CES1: variants seen among roughly 807,000 people sequenced by gnomAD.
CES1 encodes carboxylesterase 1, also known as liver carboxylesterase 1.
CES1 carries 50 observed loss-of-function variants against 53.0 expected under a neutral mutation model. That is an observed-to-expected ratio of 0.94 (90% CI 0.75 to 1.19). The LOEUF (loss-of-function observed/expected upper bound fraction) is 1.19, where lower values mean the gene tolerates loss of function less well. CES1 is among the 50% of genes most tolerant of loss of function. The probability of loss-of-function intolerance (pLI) is 0.00; values close to 1 mark genes in which losing one functional copy is unlikely to be tolerated. For synonymous variants in CES1, 202 were observed against 210.1 expected, an observed-to-expected ratio of 0.96 and a Z score of 0.33; for missense variants, 534 against 538.0, an observed-to-expected ratio of 0.99 and a Z score of 0.07.
chr16:55,831,213 G>A (rs1229235787), intron 1 of CES1, among the ~76,000 whole-genome samples: 2 of 152,214 alleles, frequency 1.3e-5, no homozygotes, highest in South Asian at 2.1e-4. Context: ...AGATCCATCA[G>A]AATAGGGGAG....
intron 1 of CES1, among the ~76,000 whole-genome samples, chr16:55,831,140 G>A (rs1182312593): frequency 6.6e-6 from 1 of 152,014 alleles, no homozygotes; most frequent in Non-Finnish European, 1.5e-5. Context: ...GAAGATGCCA[G>A]TGTGAGAGGG....
intron 2 of CES1, chr16:55,828,229 C>T (rs1597090461): frequency 9.8e-6 from 2 of 203,166 alleles, no homozygotes; most frequent in East Asian, 1.1e-4. Context: ...ATGGACACAC[C>T]TTCCATTGTT....
At position 55,826,151 on chromosome 16, in the gene CES1, C is replaced by G. The variant is rs762405614; in HGVS notation, c.405G>C (p.Pro135=). ...PADLTKKNRL[P]VMVWIHGGGL... ...TTGACCAGGGGGTCCCACAACTTAC[C>G]GGCAGCCTGTTTTTCTTGGTCAAGT... The change falls in exon 3 of 14, where the codon CCG becomes CCC. Residue 135 remains proline (P), a splice_region_variant and synonymous_variant. Transcript: ENST00000360526. 6.2e-7 allele frequency: 1 copy of G among 1,613,964 alleles called. No homozygotes were observed. Among genetic ancestry groups the G allele is most frequent in the Non-Finnish European group, 8.5e-7 (1 of 1,179,862 alleles).
intron 5 of CES1, among the ~76,000 whole-genome samples, chr16:55,820,725 C>T (rs113867465): frequency 2.6e-5 from 4 of 152,180 alleles, no homozygotes; most frequent in African/African-American, 9.6e-5. Context: ...CCAGCAGGAC[C>T]CCTCACACCC....
In CES1 at chr16:55,828,955, TGGCGA is replaced by T. The variant is rs1567508067; in HGVS notation, c.67_71del (p.Ser23ThrfsTer91). 2 of 1,611,770 alleles carry T rather than the reference TGGCGA, an allele frequency of 1.2e-6. No homozygotes were observed. The highest frequency in any genetic ancestry group is 1.7e-6 in the Non-Finnish European group (2 of 1,179,050). On this transcript the variant is annotated frameshift_variant, in exon 2 of 14. Coordinates refer to ENST00000360526, the MANE Select transcript of CES1 (RefSeq NM_001025195.2). LOFTEE classifies it high-confidence loss of function. ...TGCCATGCACGGTGTCCACCACAGG[TGGCGA>T]GGACGGATGCCCTGCTGGACATGGA...
In CES1 at chr16:55,831,484, G is replaced by A. The variant is rs370821106; in HGVS notation, c.52+1520C>T. On this transcript the variant is annotated intron_variant, in intron 1 of 13. Transcript: ENST00000360526. ...TTGCTGCTGATGTTATATGAAGCAC[G>A]AACATGGTGGGCACCTACTATGTGC... Among the ~76,000 whole-genome samples, 29 of 151,204 alleles carry A rather than the reference G, an allele frequency of 1.9e-4. No homozygotes were observed. The East Asian group carries it at 2.1e-3, about 11-fold the overall frequency.
chr16:55,829,361 T>C (rs2032551247), intron 1 of CES1, among the ~76,000 whole-genome samples: 1 of 152,184 alleles, frequency 6.6e-6, no homozygotes, highest in African/African-American at 2.4e-5. Flanking sequence ...GCACTGACCA[T>C]TATAGGGAAG....
At chr16:55,830,178 A>G (rs2032581341) in intron 1 of CES1, among the ~76,000 whole-genome samples, 1 of 152,248 alleles carries the variant, frequency 6.6e-6, no homozygotes, top group Non-Finnish European at 1.5e-5. Flanking sequence ...CACAATGGAA[A>G]CCCATTATGG....
intron 1 of CES1, among the ~76,000 whole-genome samples, chr16:55,830,851 T>C (rs182685436): frequency 1.7e-3 from 146 of 83,962 alleles, no homozygotes; most frequent in Middle Eastern, 7.6e-3. Context: ...GGCAGGCAAG[T>C]GGGAGTGAGG....
Position 55,826,310 on chromosome 16 carries a change from A to G in CES1, c.261-15T>C, listed in dbSNP as rs28608765. The G allele has an allele frequency of 2.5e-4, 409 of 1,613,970 alleles. 1 individual carries two copies. The African/African-American group carries it at 4.9e-3, about 19-fold the overall frequency. On this transcript the variant is annotated splice_polypyrimidine_tract_variant and intron_variant, in intron 2 of 13. Coordinates refer to ENST00000360526, the MANE Select transcript of CES1 (RefSeq NM_001025195.2). ...CTTGGGTGCACCTGGGGAGGGGGAAAGAAGAACCCCTGAAGTTCAGCCAGA... is the reference window on the plus strand; with the variant it reads ...CTTGGGTGCACCTGGGGAGGGGGAAGGAAGAACCCCTGAAGTTCAGCCAGA...
At chr16:55,818,887 A>G (rs1597077431) in intron 7 of CES1, among the ~76,000 whole-genome samples, 1 of 152,156 alleles carries the variant, frequency 6.6e-6, no homozygotes, top group East Asian at 1.9e-4. Context: ...TGGGTGATGG[A>G]GTTGAGATAT....
intron 2 of CES1, 82 bp from the exon 3 acceptor site, chr16:55,826,377 G>A: frequency 6.5e-7 from 1 of 1,528,746 alleles, no homozygotes; most frequent in Non-Finnish European, 9.1e-7. Flanking sequence ...TGGACTGGGA[G>A]GTTTAAGCCT....
intron 7 of CES1, among the ~76,000 whole-genome samples, chr16:55,818,556 T>G (rs2032045675): frequency 6.6e-6 from 1 of 152,168 alleles, no homozygotes; most frequent in South Asian, 2.1e-4. Flanking sequence ...CAAATCTGGC[T>G]CCTCCGCCTT....
chr16:55,830,978 C>T (rs1325531885), intron 1 of CES1, among the ~76,000 whole-genome samples: 14 of 152,132 alleles, frequency 9.2e-5, no homozygotes, highest in Non-Finnish European at 1.6e-4. Context: ...CCTGTTTACA[C>T]AGGCTCGGTG....
intron 2 of CES1, among the ~76,000 whole-genome samples, chr16:55,827,297 A>ATAAT (rs2032457865): frequency 6.7e-6 from 1 of 149,850 alleles, no homozygotes; most frequent in East Asian, 1.9e-4. Flanking sequence ...AATAATAATA[A>ATAAT]TAATAATAAT....
At chr16:55,809,776 T>C (rs2031605569) in intron 11 of CES1, among the ~76,000 whole-genome samples, 1 of 152,226 alleles carries the variant, frequency 6.6e-6, no homozygotes, top group Admixed American at 6.5e-5. Context: ...GCTCCCACTT[T>C]TTATCCAGCT....
In CES1 at chr16:55,816,933, G is replaced by T. The variant is rs762083414; in HGVS notation, c.936C>A (p.Asp312Glu). ...AACAAAAGGTCCTTACCTCTCTGGGGTCTCCCTGTAAGTCCAGAGATAAGA... is the reference window on the plus strand; with the variant it reads ...AACAAAAGGTCCTTACCTCTCTGGGTTCTCCCTGTAAGTCCAGAGATAAGA... ...MKFLSLDLQGDPRESQPLLGT... is the reference protein window; with the variant it reads ...MKFLSLDLQGEPRESQPLLGT... Residue 312 changes from aspartate to glutamate, a missense_variant, in exon 8 of 14, where the codon GAC (aspartate) becomes GAA (glutamate). By Grantham distance (45) the Asp-to-Glu change is conservative. Around this residue, in one of 5 missense-constraint regions of CES1, gnomAD observed 269 missense variants for 206.6 expected, o/e 1.30. Coordinates refer to ENST00000360526, the MANE Select transcript of CES1 (RefSeq NM_001025195.2). 1.9e-6 allele frequency: 3 copies of T among 1,613,976 alleles called. No individual in the cohort carries two copies. The highest frequency in any genetic ancestry group is 2.7e-5 in the African/African-American group (2 of 74,904).
intron 9 of CES1, among the ~76,000 whole-genome samples, chr16:55,811,253 AGT>A (rs1292199272): frequency 2.0e-5 from 3 of 151,196 alleles, no homozygotes; most frequent in Non-Finnish European, 4.4e-5. Context: ...AAGCTGTGGC[AGT>A]GTTTTGCAGT....
At chr16:55,820,549 G>A in intron 5 of CES1, 70 bp from the exon 6 acceptor site, 1 of 1,610,786 alleles carries the variant, frequency 6.2e-7, no homozygotes, top group East Asian at 2.2e-5. Flanking sequence ...CGCTATTCCA[G>A]GCTAGATCTA....
Sources: allele counts gnomAD v4.1 joint callset (sites outside exome capture counted in the v4.1 genomes callset), GRCh38; gene constraint gnomAD v4.1.1; regional missense constraint gnomAD v4.1.1; transcripts MANE v1.5; gene names NCBI Gene and HGNC (gene_info 2026-07-23, HGNC 2026-07-21).